Variants in DAZAP1 observed in about 807,000 individuals in gnomAD.
The protein encoded by DAZAP1 is DAZ associated protein 1.
In DAZAP1, 6 loss-of-function variants were observed where a neutral mutation model predicts 60.1. The ratio of observed to expected loss-of-function variants is 0.10; its 90% confidence interval spans 0.05 to 0.20. The LOEUF is 0.20. Among genes scored for constraint, DAZAP1 ranks in the 10% least tolerant of loss-of-function variants. The probability of loss-of-function intolerance (pLI) is 1.00; values close to 1 mark genes in which losing one functional copy is unlikely to be tolerated. For missense variants in DAZAP1, 366 were observed against 560.4 expected (o/e 0.65, Z 3.50); for synonymous variants, 235 against 215.9 (o/e 1.09, Z -0.78).
rs777088432 is a variant in DAZAP1 at position 1,422,368 on chromosome 19, C to A, written c.435C>A (p.Ile145=). Residue 145 remains isoleucine (I), a synonymous_variant, in exon 6 of 12, where the codon ATC becomes ATA. Coordinates refer to ENST00000233078, the MANE Select transcript of DAZAP1 (RefSeq NM_018959.4). The surrounding 1 kb of genome is among the most constrained non-coding windows in gnomAD (Gnocchi z 4.5). ...KFGVVTEVVM[I]YDAEKQRPRG... ...TCCAGGTCACGGAGGTAGTCATGAT[C>A]TATGACGCCGAGAAGCAGAGGCCCC... is the stretch of plus-strand genomic sequence containing the variant. 1 of 1,614,136 alleles carries A rather than the reference C, an allele frequency of 6.2e-7. No homozygotes were observed. The highest frequency in any genetic ancestry group is 8.5e-7 in the Non-Finnish European group (1 of 1,179,998).
At chr19:1,430,415 G>A (rs1433252058) in intron 10 of DAZAP1, 53 bp downstream of exon 10, 2 of 1,441,436 alleles carry the variant, frequency 1.4e-6, no homozygotes, top group Non-Finnish European at 1.8e-6. Context: ...GGAGATGCCA[G>A]GTGGTGGGCG....
Position 1,433,595 on chromosome 19 carries a change from T to G in DAZAP1, c.1048+905T>G. The stretch of plus-strand genomic sequence containing the variant: ...GGGCCGAGGTTGCCGCATGTGTGGG[T>G]TCTTGACCCACTCACCACCAAACCC... On this transcript the variant is annotated intron_variant, in intron 11 of 11. Coordinates refer to ENST00000233078, the MANE Select transcript of DAZAP1 (RefSeq NM_018959.4). The surrounding 1 kb of genome is among the most constrained non-coding windows in gnomAD (Gnocchi z 6.1). The G allele has an allele frequency of 9.3e-6, 6 of 645,528 alleles. No homozygotes were observed. Among genetic ancestry groups the G allele is most frequent in the East Asian group, 2.8e-5 (1 of 35,338 alleles). 40.0% of individuals were successfully genotyped at this position (645,528 alleles called of 1,614,324 possible).
Position 1,418,472 on chromosome 19 carries a change from T to A in DAZAP1, c.237+102T>A. On this transcript the variant is annotated intron_variant, in intron 3 of 11. Transcript: ENST00000233078. The surrounding 1 kb of genome is among the most constrained non-coding windows in gnomAD (Gnocchi z 5.7). ...TGACCGATGTTTGCGTTAGAGTATG[T>A]TTGAACGTGGGGTCGATTGGGAAGG... 6.8e-7 allele frequency: 1 copy of A among 1,480,890 alleles called. No individual in the cohort carries two copies. The highest frequency in any genetic ancestry group is 9.3e-7 in the Non-Finnish European group (1 of 1,070,684). 91.7% of individuals were successfully genotyped at this position (1,480,890 alleles called of 1,614,324 possible). A position where few individuals can be genotyped will look rare whatever the true frequency, so the allele number is the denominator to read the frequency against.
rs2083571180 is a variant in DAZAP1 at position 1,435,300 on chromosome 19, GAA to G, written c.*390_*391del. On this transcript the variant is annotated 3_prime_UTR_variant, in exon 12 of 12. Transcript: ENST00000233078. ...TTTACAAATTGTGAGATTTTTAAGA[GAA>G]ATTTTCTACGATGTATACTGGCTTA... The G allele has an allele frequency of 6.5e-6, 1 of 153,222 alleles. No individual in the cohort carries two copies. The highest frequency in any genetic ancestry group is 2.0e-4 in the South Asian group (1 of 4,906). The allele number at this position is 153,222 out of a possible 1,614,324, so 9.5% of individuals were successfully genotyped here.
chr19:1,433,841 C>T lies in DAZAP1; in HGVS notation c.1049-896C>T. ...GATGTGGCCTAGGTAGGTGCCGCCT[C>T]CTTCTCCAGGGTCCTCCCACCCGCC... On this transcript the variant is annotated intron_variant, in intron 11 of 11. Transcript: ENST00000233078. This position sits in a 1 kb window ranked among gnomAD's most constrained non-coding sequence, Gnocchi z 6.1. The T allele has an allele frequency of 3.7e-6, 6 of 1,611,982 alleles. No homozygotes were observed. Among genetic ancestry groups the T allele is most frequent in the Non-Finnish European group, 4.2e-6 (5 of 1,178,362 alleles).
Position 1,433,574 on chromosome 19 carries a change from C to T in DAZAP1, c.1048+884C>T, listed in dbSNP as rs1230465993. The T allele has an allele frequency of 2.5e-5, 15 of 607,180 alleles. No individual in the cohort carries two copies. Among genetic ancestry groups the T allele is most frequent in the East Asian group, 2.0e-4 (7 of 35,640 alleles). 37.6% of individuals were successfully genotyped at this position (607,180 alleles called of 1,614,324 possible). ...CTGCCCCCACGCCCAGGCCTTGGGCCGAGGTTGCCGCATGTGTGGGTTCTT... is the reference window on the plus strand; with the variant it reads ...CTGCCCCCACGCCCAGGCCTTGGGCTGAGGTTGCCGCATGTGTGGGTTCTT... On this transcript the variant is annotated intron_variant, in intron 11 of 11. Coordinates refer to ENST00000233078, the MANE Select transcript of DAZAP1 (RefSeq NM_018959.4). This position sits in a 1 kb window ranked among gnomAD's most constrained non-coding sequence, Gnocchi z 6.1.
Position 1,432,826 on chromosome 19 carries a change from G to A in DAZAP1, c.1048+136G>A. The A allele has an allele frequency of 1.9e-6, 2 of 1,076,568 alleles. No homozygotes were observed. The highest frequency in any genetic ancestry group is 1.6e-5 in the South Asian group (1 of 62,864). The allele number at this position is 1,076,568 out of a possible 1,614,324, so 66.7% of individuals were successfully genotyped here. ...GAAAGGGGAGAGGGAGGAGAGGGGG[G>A]TGTGGGGGTTGTTGGAGAGATCTCG... On this transcript the variant is annotated intron_variant, in intron 11 of 11. Transcript: ENST00000233078. The surrounding 1 kb of genome is among the most constrained non-coding windows in gnomAD (Gnocchi z 4.9).
At chr19:1,414,859 T>C (rs1404035150) in intron 1 of DAZAP1, among the ~76,000 whole-genome samples, 1 of 152,224 alleles carries the variant, frequency 6.6e-6, no homozygotes, top group East Asian at 1.9e-4. Context: ...ATGAGATCTC[T>C]GTCACCCCTG....
At position 1,422,778 on chromosome 19, in the gene DAZAP1, G is replaced by A. The variant is rs1448917143; in HGVS notation, c.463+382G>A. On this transcript the variant is annotated intron_variant, in intron 6 of 11. Transcript: ENST00000233078. This position sits in a 1 kb window ranked among gnomAD's most constrained non-coding sequence, Gnocchi z 4.5. ...TGTCGTCAGCTGGGTCAGCTGGCTC[G>A]GTGTGGAGTTTGGATTTTCCGTGAT... 2.0e-5 allele frequency among the ~76,000 whole-genome samples: 3 copies of A among 151,936 alleles called. No homozygotes were observed. The highest frequency in any genetic ancestry group is 6.6e-5 in the Admixed American group (1 of 15,260).
At chr19:1,408,666 G>A (rs978500075) in intron 1 of DAZAP1, among the ~76,000 whole-genome samples, 10 of 152,224 alleles carry the variant, frequency 6.6e-5, no homozygotes, top group Non-Finnish European at 1.5e-4. Context: ...AGCTGCGGAA[G>A]GGAGAGTCAG....
At chr19:1,413,590 C>G (rs1260136563) in intron 1 of DAZAP1, among the ~76,000 whole-genome samples, 1 of 152,238 alleles carries the variant, frequency 6.6e-6, no homozygotes, top group African/African-American at 2.4e-5. Flanking sequence ...GTAAAAGACA[C>G]ATGGACACAG....
In DAZAP1 at chr19:1,429,022, G is replaced by T. The variant is rs775672327; in HGVS notation, c.700+27G>T. On this transcript the variant is annotated intron_variant, in intron 8 of 11. Coordinates refer to ENST00000233078, the MANE Select transcript of DAZAP1 (RefSeq NM_018959.4). ...TAAGGCTGATGCAGAGGTGCCCACG[G>T]GAATGTCCCCCTTCTCGGACTTGGC... The T allele has an allele frequency of 3.2e-6, 5 of 1,547,898 alleles. No homozygotes were observed. The highest frequency in any genetic ancestry group is 4.4e-6 in the Non-Finnish European group (5 of 1,148,532).
chr19:1,431,961 C>G (rs965805146), intron 10 of DAZAP1: 1 of 157,908 alleles, frequency 6.3e-6, no homozygotes, highest in African/African-American at 2.4e-5. Flanking sequence ...GCAGGCAGTT[C>G]CATCCTCTGG....
At chr19:1,409,012 C>T (rs2082747795) in intron 1 of DAZAP1, among the ~76,000 whole-genome samples, 1 of 152,198 alleles carries the variant, frequency 6.6e-6, no homozygotes, top group Non-Finnish European at 1.5e-5. Flanking sequence ...AGGCGCCTCT[C>T]GCACCAGCTA....
chr19:1,413,140 C>T (rs114159749), intron 1 of DAZAP1, among the ~76,000 whole-genome samples: 35 of 152,344 alleles, frequency 2.3e-4, no homozygotes, highest in African/African-American at 7.0e-4. Context: ...TCAGTCCACA[C>T]GCCGCCAGCC....
At chr19:1,411,980 C>T (rs1482652500) in intron 1 of DAZAP1, among the ~76,000 whole-genome samples, 2 of 152,256 alleles carry the variant, frequency 1.3e-5, no homozygotes, top group African/African-American at 4.8e-5. Flanking sequence ...TTGGCAGAGG[C>T]CAGTCATTCG....
Position 1,433,836 on chromosome 19 carries a change from C to T in DAZAP1, c.1049-901C>T, listed in dbSNP as rs757872613. Reference sequence around the variant, plus strand: ...GCAGTGATGTGGCCTAGGTAGGTGCCGCCTCCTTCTCCAGGGTCCTCCCAC... The same window carrying T: ...GCAGTGATGTGGCCTAGGTAGGTGCTGCCTCCTTCTCCAGGGTCCTCCCAC... On this transcript the variant is annotated intron_variant, in intron 11 of 11. Coordinates refer to ENST00000233078, the MANE Select transcript of DAZAP1 (RefSeq NM_018959.4). This position sits in a 1 kb window ranked among gnomAD's most constrained non-coding sequence, Gnocchi z 6.1. 32 of 1,612,534 alleles carry T rather than the reference C, an allele frequency of 2.0e-5. No homozygotes were observed. The highest frequency in any genetic ancestry group is 5.0e-5 in the Admixed American group (3 of 59,982).
At chr19:1,420,481 A>AG (rs1001877504) in intron 4 of DAZAP1, among the ~76,000 whole-genome samples, 6 of 151,056 alleles carry the variant, frequency 4.0e-5, no homozygotes, top group South Asian at 4.2e-4. Context: ...AGCCTTGGAT[A>AG]GGGAAAAAAA....
Position 1,421,172 on chromosome 19 carries a change from A to G in DAZAP1, c.328A>G (p.Ser110Gly). 6.2e-7 allele frequency: 1 copy of G among 1,614,222 alleles called. No homozygotes were observed. Among genetic ancestry groups the G allele is most frequent in the Non-Finnish European group, 8.5e-7 (1 of 1,180,024 alleles). Reference protein sequence around the residue: ...GWQKGPRSDNSKSNKIFVGGI... With the variant: ...GWQKGPRSDNGKSNKIFVGGI... ...GCAGAAAGGACCCAGGAGCGATAACAGTAAATCAAATAAGATATTTGTCGG... is the reference window on the plus strand; with the variant it reads ...GCAGAAAGGACCCAGGAGCGATAACGGTAAATCAAATAAGATATTTGTCGG... The change falls in exon 5 of 12, where the codon AGT (serine) becomes GGT (glycine). Residue 110 changes from serine to glycine, a missense_variant. By Grantham distance (56) the Ser-to-Gly change is moderately conservative. Transcript: ENST00000233078.
Sources: allele counts gnomAD v4.1 joint callset (sites outside exome capture counted in the v4.1 genomes callset), GRCh38; gene constraint gnomAD v4.1.1; non-coding constraint Gnocchi (gnomAD v3.1); transcripts MANE v1.5; gene names NCBI Gene and HGNC (gene_info 2026-07-23, HGNC 2026-07-21).